Variants in GABRG1 observed in about 807,000 individuals in gnomAD.
GABRG1 encodes gamma-aminobutyric acid type A receptor subunit gamma1, also known as gamma-aminobutyric acid receptor subunit gamma-1.
Under a neutral mutation model 49.8 loss-of-function variants are expected in GABRG1, and 49 were observed. The ratio of observed to expected loss-of-function variants is 0.98; its 90% CI spans 0.78 to 1.25. The LOEUF (loss-of-function observed/expected upper bound fraction) is 1.25. Among genes scored for constraint, GABRG1 ranks in the 50% most tolerant of loss-of-function variants. The pLI is 0.00. For missense variants in GABRG1, 552 were observed against 552.3 expected, an observed-to-expected ratio of 1.00 and a Z score of 0.01; for synonymous variants, 232 against 185.1, an observed-to-expected ratio of 1.25 and a Z score of -2.06.
At chr4:46,111,340 A>G (rs1308118000) in intron 1 of GABRG1, among the ~76,000 whole-genome samples, 1 of 151,238 alleles carries the variant, frequency 6.6e-6, no homozygotes, top group African/African-American at 2.4e-5. Context: ...AAACAATTCA[A>G]AGGTGACTCA....
intron 1 of GABRG1, among the ~76,000 whole-genome samples, chr4:46,101,101 G>C (rs1720364744): frequency 6.6e-6 from 1 of 151,136 alleles, no homozygotes; most frequent in African/African-American, 2.4e-5. Flanking sequence ...ACATGTTTTG[G>C]ATAAATATTT....
At chr4:46,108,099 A>T (rs1720611044) in intron 1 of GABRG1, among the ~76,000 whole-genome samples, 1 of 151,212 alleles carries the variant, frequency 6.6e-6, no homozygotes, top group Non-Finnish European at 1.5e-5. Context: ...AATTGGAAAT[A>T]CTTGGGAAAT....
At chr4:46,079,232 C>T (rs576928495) in intron 3 of GABRG1, among the ~76,000 whole-genome samples, 10 of 151,808 alleles carry the variant, frequency 6.6e-5, no homozygotes, top group Non-Finnish European at 1.5e-4. Context: ...ACTGCTCACC[C>T]CTTTGTAGTC....
intron 8 of GABRG1, among the ~76,000 whole-genome samples, chr4:46,045,527 C>T (rs1577628030): frequency 6.7e-6 from 1 of 149,084 alleles, no homozygotes; most frequent in African/African-American, 2.5e-5. Flanking sequence ...TGAAAGAGGA[C>T]AAAACACAGA....
intron 2 of GABRG1, among the ~76,000 whole-genome samples, chr4:46,092,585 C>T (rs548616187): frequency 4.6e-5 from 7 of 151,762 alleles, no homozygotes; most frequent in South Asian, 2.1e-4. Context: ...GAAAGGTAGT[C>T]GATTTAACAC....
In GABRG1 at chr4:46,041,001, T is replaced by C. The variant is rs1717751000; in HGVS notation, c.1385A>G (p.Tyr462Cys). Residue 462 changes from tyrosine to cysteine, a missense_variant, in exon 9 of 9, where the codon TAT becomes TGT. Tyr to Cys is a radical substitution (Grantham distance 194). Coordinates refer to ENST00000295452, the MANE Select transcript of GABRG1 (RefSeq NM_173536.4). ...ATGAAGTAGATTTTATAAGTAAAGA[T>C]AGCCAACCCAATAAACCAAGTTGAA... Reference protein sequence around the residue: ...ALFNLVYWVGYLYL With the variant: ...ALFNLVYWVGCLYL 1.2e-6 allele frequency: 2 copies of C among 1,611,314 alleles called. No individual in the cohort carries two copies. Among genetic ancestry groups the C allele is most frequent in the African/African-American group, 1.3e-5 (1 of 74,770 alleles).
At chr4:46,060,663 C>A (rs373330709) in intron 5 of GABRG1, among the ~76,000 whole-genome samples, 1 of 152,122 alleles carries the variant, frequency 6.6e-6, no homozygotes, top group East Asian at 1.9e-4. Context: ...CTCTATTAGT[C>A]ATGCAATGAA....
chr4:46,118,278 C>CTATA (rs1211123452), intron 1 of GABRG1, among the ~76,000 whole-genome samples: 96 of 149,466 alleles, frequency 6.4e-4, no homozygotes, highest in African/African-American at 2.3e-3. Context: ...ATCTATCTAT[C>CTATA]TACCTACCTA....
chr4:46,074,069 G>A (rs561194849), intron 3 of GABRG1, among the ~76,000 whole-genome samples: 1 of 152,238 alleles, frequency 6.6e-6, no homozygotes, highest in African/African-American at 2.4e-5. Flanking sequence ...TCAGATGAAG[G>A]TTCTGCTTCC....
At chr4:46,118,227 A>C (rs1222202935) in intron 1 of GABRG1, among the ~76,000 whole-genome samples, 1 of 146,796 alleles carries the variant, frequency 6.8e-6, no homozygotes, top group African/African-American at 2.5e-5. Flanking sequence ...AGATGTAAGG[A>C]TATATATTAC....
chr4:46,123,511 T>A (rs1411434431), intron 1 of GABRG1, among the ~76,000 whole-genome samples: 1 of 152,044 alleles, frequency 6.6e-6, no homozygotes, highest in Admixed American at 6.6e-5. Context: ...GGCAAAGTCA[T>A]TTCTACTCCC....
chr4:46,106,469 G>A (rs1401241993), intron 1 of GABRG1, among the ~76,000 whole-genome samples: 1 of 151,452 alleles, frequency 6.6e-6, no homozygotes, highest in South Asian at 2.1e-4. Flanking sequence ...AGTTAGAAAA[G>A]CAAAGACATT....
intron 1 of GABRG1, among the ~76,000 whole-genome samples, chr4:46,121,064 G>A (rs1323304332): frequency 6.6e-6 from 1 of 151,660 alleles, no homozygotes; most frequent in African/African-American, 2.4e-5. Flanking sequence ...TGATAGGATA[G>A]GTTTTCATAG....
At position 46,102,927 on chromosome 4, in the gene GABRG1, TAA is replaced by T. The variant is rs1394413822; in HGVS notation, c.105-5580_105-5579del. Among the ~76,000 whole-genome samples the T allele has an allele frequency of 4.0e-5, 6 of 151,744 alleles. No individual in the cohort carries two copies. The East Asian group carries it at 1.2e-3, about 30-fold the overall frequency. ...ATATGCCTATAGCAAGTCAGTCAAT[TAA>T]TATAAACTATTTTTCATGCGTAAAT... On this transcript the variant is annotated intron_variant, in intron 1 of 8. Coordinates refer to ENST00000295452, the MANE Select transcript of GABRG1 (RefSeq NM_173536.4).
intron 3 of GABRG1, among the ~76,000 whole-genome samples, chr4:46,066,392 CAT>C (rs1718923026): frequency 6.6e-6 from 1 of 152,168 alleles, no homozygotes. Flanking sequence ...AAATGCCAAA[CAT>C]ATGTTAAGAG....
intron 3 of GABRG1, among the ~76,000 whole-genome samples, chr4:46,078,173 G>C (rs778219530): frequency 2.6e-5 from 4 of 151,662 alleles, no homozygotes; most frequent in Non-Finnish European, 5.9e-5. Flanking sequence ...ACTTATAATA[G>C]ATTTTAAAAA....
At chr4:46,070,154 C>A (rs1297710781) in intron 3 of GABRG1, among the ~76,000 whole-genome samples, 1 of 151,846 alleles carries the variant, frequency 6.6e-6, no homozygotes, top group East Asian at 1.9e-4. Flanking sequence ...CTAAAATTAC[C>A]AATTTCCAAT....
chr4:46,040,799 G>T lies in GABRG1; in HGVS notation c.*189C>A. The T allele has an allele frequency of 2.0e-6, 1 of 506,474 alleles. No individual in the cohort carries two copies. The highest frequency in any genetic ancestry group is 3.3e-6 in the Non-Finnish European group (1 of 300,196). 31.4% of individuals were successfully genotyped at this position (506,474 alleles called of 1,614,324 possible). On this transcript the variant is annotated 3_prime_UTR_variant, in exon 9 of 9. Transcript: ENST00000295452. Reference sequence around the variant, plus strand: ...ACCTACTGGATTTTGCAACTAATCAGTTTCACGTAAATTAGCCTGAAAGCT... The same window carrying T: ...ACCTACTGGATTTTGCAACTAATCATTTTCACGTAAATTAGCCTGAAAGCT...
intron 2 of GABRG1, among the ~76,000 whole-genome samples, chr4:46,092,817 T>C (rs544326923): frequency 4.7e-4 from 71 of 152,044 alleles, no homozygotes; most frequent in African/African-American, 1.6e-3. Flanking sequence ...ATCCCAGCCC[T>C]TTAGAAGGCC....
Sources: gnomAD v4.1 joint callset for allele counts (sites outside exome capture counted in the v4.1 genomes callset) on GRCh38, gnomAD v4.1.1 for gene constraint, MANE v1.5 for transcripts, NCBI Gene and HGNC (gene_info 2026-07-23, HGNC 2026-07-21) for gene names.